RALGPS2: variants seen among roughly 807,000 people sequenced by gnomAD.
RALGPS2 encodes Ral GEF with PH domain and SH3 binding motif 2.
Under a neutral mutation model 86.8 loss-of-function variants are expected in RALGPS2, and 43 were observed. That is an observed-to-expected ratio of 0.50 (90% CI 0.39 to 0.64). The LOEUF is 0.64. Ranked by LOEUF, RALGPS2 falls within the 30% of genes least tolerant of loss-of-function variation. The probability of loss-of-function intolerance (pLI) is 0.00; values close to 1 mark genes in which losing one functional copy is unlikely to be tolerated. For missense variants in RALGPS2, 536 were observed against 694.6 expected, an observed-to-expected ratio of 0.77 and a Z score of 2.57; for synonymous variants, 243 against 231.3, an observed-to-expected ratio of 1.05 and a Z score of -0.46.
At chr1:178,774,699 C>T (rs1403733254) in intron 1 of RALGPS2, among the ~76,000 whole-genome samples, 2 of 152,154 alleles carry the variant, frequency 1.3e-5, no homozygotes, top group Non-Finnish European at 2.9e-5. Context: ...GTAGTTTATT[C>T]ATTTTCACGT....
At chr1:178,877,086 A>G (rs1231620379) in intron 8 of RALGPS2, among the ~76,000 whole-genome samples, 3 of 152,170 alleles carry the variant, frequency 2.0e-5, no homozygotes, top group Non-Finnish European at 4.4e-5. Flanking sequence ...CACCTTGGAA[A>G]ATGGATACTT....
intron 6 of RALGPS2, among the ~76,000 whole-genome samples, chr1:178,819,413 G>A (rs1477544093): frequency 6.6e-6 from 1 of 152,122 alleles, no homozygotes; most frequent in Admixed American, 6.5e-5. Flanking sequence ...CTTGATGGTG[G>A]GTAAGGATTA....
Position 178,916,680 on chromosome 1 carries a change from T to C in RALGPS2, c.*321T>C, listed in dbSNP as rs78705863. 571 of 314,984 alleles carry C rather than the reference T, an allele frequency of 1.8e-3. 1 individual carries two copies. The highest frequency in any genetic ancestry group is 2.9e-3 in the Non-Finnish European group (511 of 174,218). 19.5% of individuals were successfully genotyped at this position (314,984 alleles called of 1,614,324 possible). ...GTGTGTGTGAATCTTCTGGCGGTGC[T>C]GTGCTTGGAATAGATCGTAGCTAAT... On this transcript the variant is annotated 3_prime_UTR_variant, in exon 20 of 20. Transcript: ENST00000367635.
chr1:178,912,312 G>A (rs971213705), intron 19 of RALGPS2, among the ~76,000 whole-genome samples: 7 of 152,066 alleles, frequency 4.6e-5, no homozygotes, highest in Admixed American at 2.0e-4. Context: ...GTGTTTTTGT[G>A]GTGGCAGTTA....
At chr1:178,820,148 AT>A (rs1347187580) in intron 6 of RALGPS2, among the ~76,000 whole-genome samples, 1 of 152,200 alleles carries the variant, frequency 6.6e-6, no homozygotes, top group Non-Finnish European at 1.5e-5. Flanking sequence ...GAAGTCTGTC[AT>A]TAGCCTCACA....
intron 1 of RALGPS2, among the ~76,000 whole-genome samples, chr1:178,760,220 C>G (rs1652166875): frequency 6.6e-6 from 1 of 152,068 alleles, no homozygotes; most frequent in African/African-American, 2.4e-5. Flanking sequence ...TCCAGTTGGT[C>G]TGTGTCAAAT....
Position 178,784,511 on chromosome 1 carries a change from G to T in RALGPS2, c.151G>T (p.Glu51Ter). 1 of 1,591,540 alleles carries T rather than the reference G, an allele frequency of 6.3e-7. No individual in the cohort carries two copies. Among genetic ancestry groups the T allele is most frequent in the East Asian group, 2.2e-5 (1 of 44,596 alleles). The stretch of plus-strand genomic sequence containing the variant: ...ATTCGATGTTCTTAAGGTTACACCA[G>T]AAGAATATGCGGTAAGCCTCCTACC... The part of the protein sequence containing the change: ...VVFDVLKVTP[E>*]EYAGQITLMD... The change falls in exon 3 of 20, where the codon GAA (glutamate) becomes TAA (stop). Residue 51 changes from glutamate to a stop codon, truncating the protein, a stop_gained. Coordinates refer to ENST00000367635, the MANE Select transcript of RALGPS2 (RefSeq NM_152663.5). LOFTEE classifies it high-confidence loss of function.
intron 1 of RALGPS2, among the ~76,000 whole-genome samples, chr1:178,740,275 C>T (rs905767114): frequency 3.3e-5 from 5 of 152,106 alleles, no homozygotes; most frequent in Non-Finnish European, 7.4e-5. Context: ...GCCCACAGTT[C>T]CTTTGGAGGA....
At chr1:178,823,283 T>A (rs1170056782) in intron 7 of RALGPS2, among the ~76,000 whole-genome samples, 1 of 152,266 alleles carries the variant, frequency 6.6e-6, no homozygotes, top group Non-Finnish European at 1.5e-5. Flanking sequence ...ATAAAACTTT[T>A]GATGGTTTGT....
chr1:178,782,953 A>C (rs995269225), intron 2 of RALGPS2, among the ~76,000 whole-genome samples: 1 of 152,182 alleles, frequency 6.6e-6, no homozygotes, highest in Non-Finnish European at 1.5e-5. Flanking sequence ...TTCAACAAAA[A>C]ATTACAAGCC....
At chr1:178,747,639 A>G (rs1651409807) in intron 1 of RALGPS2, 4 of 1,555,642 alleles carry the variant, frequency 2.6e-6, no homozygotes, top group African/African-American at 1.4e-5. Flanking sequence ...AGCTGGCATT[A>G]ATATAATCAT....
intron 1 of RALGPS2, among the ~76,000 whole-genome samples, chr1:178,741,334 A>G (rs575014960): frequency 1.3e-5 from 2 of 152,378 alleles, no homozygotes; most frequent in East Asian, 1.9e-4. Flanking sequence ...AGGTTATACA[A>G]TATGTAACGG....
intron 4 of RALGPS2, among the ~76,000 whole-genome samples, chr1:178,803,126 A>G (rs922572161): frequency 6.6e-6 from 1 of 152,186 alleles, no homozygotes; most frequent in African/African-American, 2.4e-5. Flanking sequence ...GCAGTTTGAC[A>G]GGTAGCAGAG....
chr1:178,885,168 C>G lies in RALGPS2; in HGVS notation c.997C>G (p.Leu333Val). Residue 333 changes from leucine to valine, a missense_variant, in exon 12 of 20, where the codon CTG becomes GTG. Leu to Val is a conservative substitution (Grantham distance 32). This residue lies in a region of RALGPS2 where 309 missense variants were observed against 363.0 expected (regional missense o/e 0.85). Coordinates refer to ENST00000367635, the MANE Select transcript of RALGPS2 (RefSeq NM_152663.5). The part of the protein sequence containing the change: ...LPQTPPSPRN[L>V]IPHGHRKCHS... ...ACAGACACCGCCATCCCCTCGGAATCTGATTCCACATGGACATAGGAAGTG... is the reference window on the plus strand; with the variant it reads ...ACAGACACCGCCATCCCCTCGGAATGTGATTCCACATGGACATAGGAAGTG... 1 of 1,613,948 alleles carries G rather than the reference C, an allele frequency of 6.2e-7. No individual in the cohort carries two copies. Among genetic ancestry groups the G allele is most frequent in the East Asian group, 2.2e-5 (1 of 44,866 alleles).
intron 8 of RALGPS2, chr1:178,852,848 T>G (rs761587922): frequency 1.2e-6 from 2 of 1,613,920 alleles, no homozygotes; most frequent in South Asian, 2.2e-5. Flanking sequence ...TTTTTATCAC[T>G]CCAGTCTTCT....
At chr1:178,728,314 A>G (rs889154437) in intron 1 of RALGPS2, among the ~76,000 whole-genome samples, 7 of 152,030 alleles carry the variant, frequency 4.6e-5, no homozygotes, top group Admixed American at 3.9e-4. Context: ...CTTTTAAACC[A>G]TAAACCAAAC....
chr1:178,827,425 C>T (rs988955690), intron 7 of RALGPS2, among the ~76,000 whole-genome samples: 11 of 139,698 alleles, frequency 7.9e-5, no homozygotes, highest in African/African-American at 2.3e-4. Context: ...GACGGAGTCT[C>T]GCTCTGTCGC....
intron 6 of RALGPS2, among the ~76,000 whole-genome samples, chr1:178,820,388 G>A (rs865799831): frequency 6.6e-6 from 1 of 152,080 alleles, no homozygotes; most frequent in African/African-American, 2.4e-5. Flanking sequence ...TGTAAAAATG[G>A]CCCTTTCTGG....
chr1:178,739,246 T>A (rs914433938), intron 1 of RALGPS2, among the ~76,000 whole-genome samples: 3 of 152,236 alleles, frequency 2.0e-5, no homozygotes, highest in African/African-American at 7.2e-5. Context: ...GACTTGCTTA[T>A]TTTGGCCACT....
Sources: allele counts gnomAD v4.1 joint callset (sites outside exome capture counted in the v4.1 genomes callset), GRCh38; gene constraint gnomAD v4.1.1; regional missense constraint gnomAD v4.1.1; transcripts MANE v1.5; gene names NCBI Gene and HGNC (gene_info 2026-07-23, HGNC 2026-07-21).